Variants in SPDEF observed in about 807,000 individuals in gnomAD.
SPDEF encodes the protein SAM pointed domain-containing Ets transcription factor.
A neutral mutation model predicts 36.0 loss-of-function variants in SPDEF; 12 were observed. The ratio of observed to expected loss-of-function variants is 0.33; its 90% CI spans 0.21 to 0.54. The LOEUF is 0.54. Ranked by LOEUF, SPDEF falls within the 20% of genes least tolerant of loss-of-function variation. The pLI is 0.93. For synonymous variants in SPDEF, 205 were observed against 193.0 expected (o/e 1.06, Z -0.51); for missense variants, 388 against 456.9 (o/e 0.85, Z 1.37).
intron 1 of SPDEF, among the ~76,000 whole-genome samples, chr6:34,547,166 C>T (rs1019460702): frequency 1.4e-4 from 22 of 152,154 alleles, no homozygotes; most frequent in Non-Finnish European, 2.9e-4. Flanking sequence ...TCCCTTGTGG[C>T]CCTCCTGTTT....
At position 34,552,823 on chromosome 6, in the gene SPDEF, A is replaced by G. The variant is rs900949011; in HGVS notation, c.-30+3106T>C. On this transcript the variant is annotated intron_variant, in intron 1 of 5. Coordinates refer to ENST00000374037, the MANE Select transcript of SPDEF (RefSeq NM_012391.3). This position sits in a 1 kb window ranked among gnomAD's most constrained non-coding sequence, Gnocchi z 4.6. ...GGTGGGAGTGGGTTATTAAGGGGTT[A>G]TCAGGACCGGTTCCCACCTGTGAAG... is the stretch of plus-strand genomic sequence containing the variant. 4.6e-5 allele frequency among the ~76,000 whole-genome samples: 7 copies of G among 152,152 alleles called. No homozygotes were observed. Among genetic ancestry groups the G allele is most frequent in the Non-Finnish European group, 1.0e-4 (7 of 68,024 alleles).
chr6:34,538,492 G>A lies in SPDEF; in HGVS notation c.830-40C>T, dbSNP rs1444026302. 1.3e-6 allele frequency: 2 copies of A among 1,567,212 alleles called. No individual in the cohort carries two copies. Among genetic ancestry groups the A allele is most frequent in the Non-Finnish European group, 1.7e-6 (2 of 1,153,072 alleles). On this transcript the variant is annotated intron_variant, in intron 5 of 5. Coordinates refer to ENST00000374037, the MANE Select transcript of SPDEF (RefSeq NM_012391.3). This position sits in a 1 kb window ranked among gnomAD's most constrained non-coding sequence, Gnocchi z 5.9. ...CCCCGAGAGAGCCAGTGGTATGAGT[G>A]AGGTGGCAAGAAGGAGAAAGACGCA...
intron 1 of SPDEF, among the ~76,000 whole-genome samples, chr6:34,547,979 G>C (rs915423176): frequency 7.2e-5 from 11 of 152,196 alleles, no homozygotes; most frequent in Non-Finnish European, 1.5e-5. Flanking sequence ...CTAGAGTAGG[G>C]GGGCTTGGCT....
At chr6:34,541,316 C>T in intron 2 of SPDEF, 135 bp from the exon 3 acceptor site, 1 of 811,610 alleles carries the variant, frequency 1.2e-6, no homozygotes, top group Non-Finnish European at 1.9e-6. Context: ...AGACAGGCCC[C>T]TGAGGGCCCC....
At chr6:34,550,174 T>G (rs1025003706) in intron 1 of SPDEF, among the ~76,000 whole-genome samples, 2 of 152,124 alleles carry the variant, frequency 1.3e-5, no homozygotes, top group African/African-American at 4.8e-5. Context: ...CCCATCCCCT[T>G]GGGGCCCCAG....
chr6:34,544,959 C>T lies in SPDEF; in HGVS notation c.-29-475G>A, dbSNP rs937089812. On this transcript the variant is annotated intron_variant, in intron 1 of 5. Transcript: ENST00000374037. The surrounding 1 kb of genome is among the most constrained non-coding windows in gnomAD (Gnocchi z 4.4). The stretch of plus-strand genomic sequence containing the variant: ...TAGGAGTGGAAGTGGCAGGCAGAGG[C>T]CACCATCCTAAAGGTGGCTATCATC... Among the ~76,000 whole-genome samples the T allele has an allele frequency of 8.5e-5, 13 of 152,206 alleles. No homozygotes were observed. The highest frequency in any genetic ancestry group is 3.1e-4 in the African/African-American group (13 of 41,450).
At chr6:34,546,445 G>A (rs1172589398) in intron 1 of SPDEF, among the ~76,000 whole-genome samples, 1 of 152,194 alleles carries the variant, frequency 6.6e-6, no homozygotes, top group African/African-American at 2.4e-5. Flanking sequence ...TCCGTATGCA[G>A]CTGGCATTTG....
Position 34,538,022 on chromosome 6 carries a change from C to A in SPDEF, c.*252G>T. 2.2e-6 allele frequency: 1 copy of A among 455,280 alleles called. No individual in the cohort carries two copies. Among genetic ancestry groups the A allele is most frequent in the Admixed American group, 3.4e-5 (1 of 29,162 alleles). 28.2% of individuals were successfully genotyped at this position (455,280 alleles called of 1,614,324 possible). On this transcript the variant is annotated 3_prime_UTR_variant, in exon 6 of 6. Coordinates refer to ENST00000374037, the MANE Select transcript of SPDEF (RefSeq NM_012391.3). The surrounding 1 kb of genome is among the most constrained non-coding windows in gnomAD (Gnocchi z 5.9). ...GGGGTCAGAGGCAGGTGTTGGGGAG[C>A]AGCCCTGTCTCCCTCTGTCCTCCAG...
At position 34,539,529 on chromosome 6, in the gene SPDEF, G is replaced by A. The variant is rs1444988222; in HGVS notation, c.668C>T (p.Ala223Val). ...GCCTGGCTCACCACAGTAGTGAATC[G>A]CCCCAGGTGAAGTCCGCTCTTTCAT... ...AWMKERTSPG[A>V]IHYCASTSEE... The change falls in exon 4 of 6, where the codon GCG (alanine) becomes GTG (valine). Residue 223 changes from alanine to valine, a missense_variant. By Grantham distance (64) the Ala-to-Val change is moderately conservative. Around this residue, in one of 2 missense-constraint regions of SPDEF, gnomAD observed 308 missense variants for 326.1 expected, o/e 0.94. Coordinates refer to ENST00000374037, the MANE Select transcript of SPDEF (RefSeq NM_012391.3). The surrounding 1 kb of genome is among the most constrained non-coding windows in gnomAD (Gnocchi z 5.2). The A allele has an allele frequency of 1.9e-6, 3 of 1,574,990 alleles. No individual in the cohort carries two copies. The highest frequency in any genetic ancestry group is 2.6e-6 in the Non-Finnish European group (3 of 1,161,066).
chr6:34,553,828 G>T (rs1282905173), intron 1 of SPDEF, among the ~76,000 whole-genome samples: 1 of 151,982 alleles, frequency 6.6e-6, no homozygotes, highest in Non-Finnish European at 1.5e-5. Context: ...CTCTAGCCCA[G>T]TCCAGGCAGC....
rs748789611 is a variant in SPDEF at position 34,555,625 on chromosome 6, T to A, written c.-30+304A>T. 6.6e-6 allele frequency among the ~76,000 whole-genome samples: 1 copy of A among 152,098 alleles called. No homozygotes were observed. Among genetic ancestry groups the A allele is most frequent in the African/African-American group, 2.4e-5 (1 of 41,416 alleles). ...GGGTCTCAGGGGCCGGGGCTCTGCA[T>A]CTGCACGGCGGCCTCCCCTCAGGCT... On this transcript the variant is annotated intron_variant, in intron 1 of 5. Transcript: ENST00000374037. The surrounding 1 kb of genome is among the most constrained non-coding windows in gnomAD (Gnocchi z 5.2).
chr6:34,553,970 C>G (rs1768117212), intron 1 of SPDEF, among the ~76,000 whole-genome samples: 1 of 144,100 alleles, frequency 6.9e-6, no homozygotes, highest in Non-Finnish European at 1.5e-5. Context: ...GCAAATCCAA[C>G]TCCTACACAG....
At chr6:34,540,352 A>G (rs1767790321) in intron 3 of SPDEF, among the ~76,000 whole-genome samples, 1 of 152,098 alleles carries the variant, frequency 6.6e-6, no homozygotes, top group Admixed American at 6.5e-5. Flanking sequence ...GGACAGGGGC[A>G]ATACCCAAGA....
intron 1 of SPDEF, among the ~76,000 whole-genome samples, chr6:34,548,885 T>A (rs747758314): frequency 2.6e-5 from 4 of 152,082 alleles, no homozygotes; most frequent in Admixed American, 2.6e-4. Flanking sequence ...GGTCCACCCA[T>A]GGGGACACAT....
chr6:34,546,310 G>T (rs768435826), intron 1 of SPDEF, among the ~76,000 whole-genome samples: 7 of 152,162 alleles, frequency 4.6e-5, no homozygotes, highest in Non-Finnish European at 1.0e-4. Context: ...TGGGGGGAAG[G>T]CTTTAATCAA....
At position 34,544,373 on chromosome 6, in the gene SPDEF, A is replaced by C. The variant is rs1476247689; in HGVS notation, c.83T>G (p.Leu28Trp). Residue 28 changes from leucine to tryptophan, a missense_variant, in exon 2 of 6, where the codon TTG becomes TGG. Around this residue, in one of 2 missense-constraint regions of SPDEF, gnomAD observed 308 missense variants for 326.1 expected, o/e 0.94. Coordinates refer to ENST00000374037, the MANE Select transcript of SPDEF (RefSeq NM_012391.3). The surrounding 1 kb of genome is among the most constrained non-coding windows in gnomAD (Gnocchi z 4.4). ...CACTGCCCCCGCTGCCGCCTTCTCC[A>C]AGCCTGTCCGCGACACCGTGTCGGG... ...LPPDTVSRTG[L>W]EKAAAGAVGL... 2.5e-6 allele frequency: 4 copies of C among 1,600,434 alleles called. No individual in the cohort carries two copies. Among genetic ancestry groups the C allele is most frequent in the South Asian group, 1.1e-5 (1 of 90,730 alleles).
At position 34,541,079 on chromosome 6, in the gene SPDEF, C is replaced by A. The variant is rs753240911; in HGVS notation, c.539G>T (p.Gly180Val). ...PMGKAFQELA[G>V]KELCAMSEEQ... is the part of the protein sequence containing the mutation. ...CTCCGACATGGCGCACAGCTCCTTG[C>A]CCGCCAGCTCCTGGAAGGCCTTGCC... Residue 180 changes from glycine (G) to valine (V), a missense_variant, in exon 3 of 6, where the codon GGC (glycine) becomes GTC (valine). By Grantham distance (109) the Gly-to-Val change is moderately radical. Around this residue, in one of 2 missense-constraint regions of SPDEF, gnomAD observed 308 missense variants for 326.1 expected, o/e 0.94. Coordinates refer to ENST00000374037, the MANE Select transcript of SPDEF (RefSeq NM_012391.3). 6.2e-7 allele frequency: 1 copy of A among 1,611,706 alleles called. No homozygotes were observed. Among genetic ancestry groups the A allele is most frequent in the Admixed American group, 1.7e-5 (1 of 59,836 alleles).
chr6:34,547,356 A>G (rs1767976651), intron 1 of SPDEF, among the ~76,000 whole-genome samples: 2 of 152,092 alleles, frequency 1.3e-5, no homozygotes, highest in Admixed American at 6.6e-5. Flanking sequence ...TCCCCTTGCC[A>G]GGAGAAAGGC....
At chr6:34,547,432 C>T (rs1767978435) in intron 1 of SPDEF, among the ~76,000 whole-genome samples, 1 of 152,282 alleles carries the variant, frequency 6.6e-6, no homozygotes, top group Non-Finnish European at 1.5e-5. Flanking sequence ...GGGGCATGAT[C>T]ATGGCTCACT....
Sources: allele counts gnomAD v4.1 joint callset (sites outside exome capture counted in the v4.1 genomes callset), GRCh38; gene constraint gnomAD v4.1.1; regional missense constraint gnomAD v4.1.1; non-coding constraint Gnocchi (gnomAD v3.1); transcripts MANE v1.5; gene names NCBI Gene and HGNC (gene_info 2026-07-23, HGNC 2026-07-21).